Variants in ZNF10 observed in about 807,000 individuals in gnomAD.
ZNF10 encodes zinc finger protein 10, also known as zinc finger protein 10 (KOX 1).
ZNF10 carries 8 observed loss-of-function variants against 12.2 expected under a neutral mutation model. The ratio of observed to expected loss-of-function variants is 0.66; its 90% CI spans 0.39 to 1.18. The LOEUF (loss-of-function observed/expected upper bound fraction) is 1.18, where lower values mean the gene tolerates loss of function less well. ZNF10 is among the 50% of genes most tolerant of loss of function. The probability of loss-of-function intolerance (pLI) is 0.01; values close to 1 mark genes in which losing one functional copy is unlikely to be tolerated. For synonymous variants in ZNF10, 229 were observed against 228.2 expected (o/e 1.00, Z -0.03); for missense variants, 603 against 678.9 (o/e 0.89, Z 1.24).
chr12:133,144,477 C>G lies in ZNF10; in HGVS notation c.-16C>G. 2 of 1,613,636 alleles carry G rather than the reference C, an allele frequency of 1.2e-6. No homozygotes were observed. Among genetic ancestry groups the G allele is most frequent in the Non-Finnish European group, 1.7e-6 (2 of 1,179,692 alleles). On this transcript the variant is annotated 5_prime_UTR_variant, in exon 2 of 5. It adds an upstream start codon to the 5' untranslated region. Transcript: ENST00000248211. The stretch of plus-strand genomic sequence containing the variant: ...CTGCTGTCACTCAAGGAAGTATCAT[C>G]AAGAACAAGGAGGGCATGGATGCTA...
intron 1 of ZNF10, among the ~76,000 whole-genome samples, chr12:133,134,143 A>G (rs7305129): frequency 5.7e-5 from 8 of 140,376 alleles, no homozygotes; most frequent in Non-Finnish European, 9.0e-5. Flanking sequence ...TACTAAAAAT[A>G]CAAAAAAAAA....
In ZNF10 at chr12:133,157,053, T is replaced by C. The variant is rs1956047354; in HGVS notation, c.*85T>C. ...AGATAAGCTGTACAAATTGAATCTA[T>C]GTGGAAATGCTTTCAGTCTTGTTAC... is the stretch of plus-strand genomic sequence containing the variant. On this transcript the variant is annotated 3_prime_UTR_variant, in exon 5 of 5. Transcript: ENST00000248211. 1.6e-6 allele frequency: 2 copies of C among 1,233,068 alleles called. No individual in the cohort carries two copies. Among genetic ancestry groups the C allele is most frequent in the African/African-American group, 1.6e-5 (1 of 64,454 alleles). The allele number at this position is 1,233,068 out of a possible 1,614,324, so 76.4% of individuals were successfully genotyped here. A position where few individuals can be genotyped will look rare whatever the true frequency, so the allele number is the denominator to read the frequency against.
At chr12:133,139,642 A>T (rs1203307503) in intron 1 of ZNF10, among the ~76,000 whole-genome samples, 1 of 152,200 alleles carries the variant, frequency 6.6e-6, no homozygotes, top group Non-Finnish European at 1.5e-5. Context: ...GTGAAGAATT[A>T]TGAGGCCCTG....
Position 133,156,171 on chromosome 12 carries a change from A to G in ZNF10, c.925A>G (p.Ile309Val). The change falls in exon 5 of 5, where the codon ATT (isoleucine) becomes GTT (valine). Residue 309 changes from isoleucine to valine, a missense_variant. By Grantham distance (29) the Ile-to-Val change is conservative. Around this residue, in one of 3 missense-constraint regions of ZNF10, gnomAD observed 393 missense variants for 399.7 expected, o/e 0.98. Coordinates refer to ENST00000248211, the MANE Select transcript of ZNF10 (RefSeq NM_015394.5). ...GTCTTTCAGCCGGAGTTCTCACCTCATTGGACATCAAAAGACCCATACTGG... is the reference window on the plus strand; with the variant it reads ...GTCTTTCAGCCGGAGTTCTCACCTCGTTGGACATCAAAAGACCCATACTGG... Reference protein sequence around the residue: ...GKSFSRSSHLIGHQKTHTGEE... With the variant: ...GKSFSRSSHLVGHQKTHTGEE... The G allele has an allele frequency of 3.7e-6, 6 of 1,613,778 alleles. No individual in the cohort carries two copies. The highest frequency in any genetic ancestry group is 5.1e-6 in the Non-Finnish European group (6 of 1,180,010).
chr12:133,147,809 G>A (rs1955985053), intron 2 of ZNF10, among the ~76,000 whole-genome samples: 1 of 141,678 alleles, frequency 7.1e-6, no homozygotes, highest in African/African-American at 2.6e-5. Flanking sequence ...TTGTATTTTA[G>A]TAGAGACGGG....
At chr12:133,153,568 G>A (rs887201813) in intron 4 of ZNF10, among the ~76,000 whole-genome samples, 4 of 152,100 alleles carry the variant, frequency 2.6e-5, no homozygotes, top group Admixed American at 2.6e-4. Context: ...GGAAAGGGTG[G>A]TGTATTTCCT....
rs1410415466 is a variant in ZNF10, at chr12:133,158,197, T to G, written c.*1229T>G. ...TTACCTGGTAGGATTATGGTGAGTA[T>G]TAAATGAGTAAATGGAAACAGCTTA... On this transcript the variant is annotated 3_prime_UTR_variant, in exon 5 of 5. Transcript: ENST00000248211. The G allele has an allele frequency of 6.6e-6, 1 of 152,188 alleles. No homozygotes were observed. Among genetic ancestry groups the G allele is most frequent in the Non-Finnish European group, 1.5e-5 (1 of 68,030 alleles). 9.4% of individuals were successfully genotyped at this position (152,188 alleles called of 1,614,324 possible).
chr12:133,137,733 C>G (rs1379703367), intron 1 of ZNF10, among the ~76,000 whole-genome samples: 1 of 152,098 alleles, frequency 6.6e-6, no homozygotes, highest in African/African-American at 2.4e-5. Context: ...TCTTCAAGGC[C>G]TGGTACAGAG....
chr12:133,155,203 G>A (rs1475650600), intron 4 of ZNF10, among the ~76,000 whole-genome samples: 1 of 152,112 alleles, frequency 6.6e-6, no homozygotes, highest in Non-Finnish European at 1.5e-5. Flanking sequence ...TAGAAAATGA[G>A]AGTGCAGTCC....
chr12:133,145,485 G>T (rs561157677), intron 2 of ZNF10, among the ~76,000 whole-genome samples: 2 of 152,246 alleles, frequency 1.3e-5, no homozygotes, highest in South Asian at 4.1e-4. Flanking sequence ...GACTCATGGT[G>T]AAGTTAAATA....
chr12:133,146,985 A>G (rs1429422099), intron 2 of ZNF10, among the ~76,000 whole-genome samples: 2 of 152,288 alleles, frequency 1.3e-5, no homozygotes, highest in East Asian at 3.9e-4. Flanking sequence ...TACCTTTTCC[A>G]GAAGGTCACA....
At chr12:133,145,729 C>G (rs894854973) in intron 2 of ZNF10, among the ~76,000 whole-genome samples, 2 of 151,950 alleles carry the variant, frequency 1.3e-5, no homozygotes. Flanking sequence ...TGCTTGAACC[C>G]GGGAGGCGGA....
chr12:133,149,352 C>CTT (rs144304054), intron 2 of ZNF10, among the ~76,000 whole-genome samples: 1,622 of 85,768 alleles, frequency 0.019, 94 homozygotes, highest in African/African-American at 0.049. Context: ...TTTGCTATTG[C>CTT]TTTTTTTTTT....
At chr12:133,130,941 C>G (rs1955870822) in intron 1 of ZNF10, 187 bp downstream of exon 1, 1 of 152,244 alleles carries the variant, frequency 6.6e-6, no homozygotes, top group Non-Finnish European at 1.5e-5. Context: ...CCCCGGCGTT[C>G]ACGGCGGACG....
At chr12:133,143,591 G>GGCGATAACTACA (rs1436715405) in intron 1 of ZNF10, 1 of 152,218 alleles carries the variant, frequency 6.6e-6, no homozygotes, top group Non-Finnish European at 1.5e-5. Flanking sequence ...ACACAAACGA[G>GGCGATAACTACA]TAAACAGCAC....
intron 1 of ZNF10, among the ~76,000 whole-genome samples, chr12:133,136,012 G>T (rs1036844332): frequency 1.3e-5 from 2 of 152,202 alleles, no homozygotes. Context: ...GCCATCTGTT[G>T]TTCCTCTCAT....
intron 4 of ZNF10, among the ~76,000 whole-genome samples, chr12:133,154,955 G>A (rs778763717): frequency 3.9e-5 from 6 of 152,208 alleles, no homozygotes; most frequent in Non-Finnish European, 7.4e-5. Flanking sequence ...GCAGGTGCCT[G>A]TAATCCCAGC....
At chr12:133,132,436 A>G (rs879655932) in intron 1 of ZNF10, among the ~76,000 whole-genome samples, 37 of 152,116 alleles carry the variant, frequency 2.4e-4, no homozygotes, top group Non-Finnish European at 4.9e-4. Context: ...TGCCCAGCTA[A>G]TTAACATATG....
chr12:133,145,557 C>T (rs1436942212), intron 2 of ZNF10, among the ~76,000 whole-genome samples: 1 of 152,102 alleles, frequency 6.6e-6, no homozygotes, highest in Non-Finnish European at 1.5e-5. Context: ...TACCTATAAT[C>T]CCAGCACTTT....
Sources: gnomAD v4.1 joint callset for allele counts (sites outside exome capture counted in the v4.1 genomes callset) on GRCh38, gnomAD v4.1.1 for gene constraint, gnomAD v4.1.1 regional missense constraint, MANE v1.5 for transcripts, NCBI Gene and HGNC (gene_info 2026-07-23, HGNC 2026-07-21) for gene names.